The following LYRM4 variants were observed in gnomAD, a reference collection of about 807,000 sequenced individuals.
LYRM4 encodes LYR motif-containing protein 4.
A neutral mutation model predicts 11.7 loss-of-function variants in LYRM4; 9 were observed. The ratio of observed to expected loss-of-function variants is 0.77; its 90% CI spans 0.46 to 1.34. LYRM4 has a LOEUF of 1.34. Ranked by LOEUF, LYRM4 falls within the 40% of genes most tolerant of loss-of-function variation. The pLI is 0.00. For synonymous variants in LYRM4, 42 were observed against 40.4 expected (o/e 1.04, Z -0.15); for missense variants, 133 against 112.5 (o/e 1.18, Z -0.82).
At chr6:5,108,361 G>A, downstream of LYRM4, 1 of 863,782 alleles carries the variant, frequency 1.2e-6, no homozygotes, top group African/African-American at 1.8e-5. Flanking sequence ...CTCCCCAGAT[G>A]ACAAGCAAGT....
intron 2 of LYRM4, among the ~76,000 whole-genome samples, chr6:5,172,160 A>C (rs1442964931): frequency 6.6e-6 from 1 of 152,074 alleles, no homozygotes; most frequent in Non-Finnish European, 1.5e-5. Flanking sequence ...CATACTAACC[A>C]CCTGACGACA....
At chr6:5,161,311 T>C (rs1187598882) in intron 2 of LYRM4, among the ~76,000 whole-genome samples, 1 of 152,146 alleles carries the variant, frequency 6.6e-6, no homozygotes, top group Non-Finnish European at 1.5e-5. Context: ...AACAGAAAAA[T>C]ATAAGAAATG....
intron 1 of LYRM4, among the ~76,000 whole-genome samples, chr6:5,225,698 G>T (rs888503692): frequency 6.6e-6 from 1 of 152,128 alleles, no homozygotes; most frequent in Non-Finnish European, 1.5e-5. Context: ...TCACGTGCAT[G>T]TCTATTTGTG....
At chr6:5,227,768 T>C (rs921367140) in intron 1 of LYRM4, among the ~76,000 whole-genome samples, 1 of 152,084 alleles carries the variant, frequency 6.6e-6, no homozygotes, top group Non-Finnish European at 1.5e-5. Context: ...GATAAGAAAA[T>C]GTGGCACATT....
the LYRM4 span, among the ~76,000 whole-genome samples, chr6:5,038,396 T>C: frequency 1.7e-5 from 1 of 60,468 alleles, no homozygotes; most frequent in African/African-American, 4.6e-5. Context: ...CTCCTCACCT[T>C]CCAGACTGGG....
At chr6:5,246,030 T>A (rs1393364560) in intron 1 of LYRM4, among the ~76,000 whole-genome samples, 1 of 152,168 alleles carries the variant, frequency 6.6e-6, no homozygotes, top group East Asian at 1.9e-4. Flanking sequence ...TTCTTCTTCT[T>A]TCCTTTAAAA....
intron 1 of LYRM4, among the ~76,000 whole-genome samples, chr6:5,234,478 CAGG>C: frequency 1.3e-5 from 2 of 152,310 alleles, no homozygotes; most frequent in East Asian, 3.9e-4. Flanking sequence ...TATTTTATAA[CAGG>C]AGTATACACA....
At chr6:5,127,232 G>A (rs1232115417) in intron 2 of LYRM4, among the ~76,000 whole-genome samples, 2 of 152,092 alleles carry the variant, frequency 1.3e-5, no homozygotes, top group African/African-American at 4.8e-5. Flanking sequence ...TTACAGGCAT[G>A]TGCCACCGTG....
At chr6:5,244,393 CCTT>C (rs1161049763) in intron 1 of LYRM4, among the ~76,000 whole-genome samples, 1 of 152,082 alleles carries the variant, frequency 6.6e-6, no homozygotes, top group Admixed American at 6.5e-5. Context: ...GAGCATCTGT[CCTT>C]CTTAAAAATG....
In LYRM4 at chr6:5,185,222, C is replaced by T. The variant is rs73719732; in HGVS notation, c.207+31396G>A. Among the ~76,000 whole-genome samples the T allele has an allele frequency of 3.3e-3, 497 of 152,270 alleles. 6 individuals are homozygous for T. The highest frequency in any genetic ancestry group is 0.011 in the African/African-American group (470 of 41,566). ...TGTGTCCAATGAATGAATGGGTGAACGAATGAATGAAGATACTTGTCCTTC... is the reference window on the plus strand; with the variant it reads ...TGTGTCCAATGAATGAATGGGTGAATGAATGAATGAAGATACTTGTCCTTC... On this transcript the variant is annotated intron_variant, in intron 2 of 2. Transcript: ENST00000330636.
At chr6:5,217,072 C>G (rs545259274) in intron 1 of LYRM4, among the ~76,000 whole-genome samples, 1 of 152,276 alleles carries the variant, frequency 6.6e-6, no homozygotes, top group South Asian at 2.1e-4. Flanking sequence ...AGAGACAAAT[C>G]AAGAACTCAG....
In LYRM4 at chr6:5,196,532, A is replaced by G. The variant is rs1371507704; in HGVS notation, c.207+20086T>C. Among the ~76,000 whole-genome samples the G allele has an allele frequency of 2.0e-5, 3 of 152,230 alleles. No individual in the cohort carries two copies. In the East Asian group the frequency reaches 5.8e-4, roughly 29 times the overall value. On this transcript the variant is annotated intron_variant, in intron 2 of 2. Transcript: ENST00000330636. ...CTCACAGTTTCCTCTTCTGAAAAGC[A>G]GGTTGGTACAGTGCCTTCCTCCTAA...
the LYRM4 span, chr6:5,088,127 C>G: frequency 1.3e-5 from 2 of 152,148 alleles, no homozygotes; most frequent in Non-Finnish European, 2.9e-5. Flanking sequence ...CGGAGTTTCA[C>G]TCTTGTCGCC....
chr6:5,141,684 C>T (rs1405273726), intron 2 of LYRM4, among the ~76,000 whole-genome samples: 3 of 152,138 alleles, frequency 2.0e-5, no homozygotes, highest in South Asian at 2.1e-4. Context: ...TCAACACTCA[C>T]GGAGGTCAGA....
chr6:5,218,480 G>T, intron 1 of LYRM4: 2 of 611,842 alleles, frequency 3.3e-6, no homozygotes, highest in Non-Finnish European at 4.1e-6. Flanking sequence ...AAATTCAAAT[G>T]TCAGGTCTAT....
At chr6:5,235,028 G>A (rs1208607019) in intron 1 of LYRM4, among the ~76,000 whole-genome samples, 1 of 151,970 alleles carries the variant, frequency 6.6e-6, no homozygotes, top group African/African-American at 2.4e-5. Flanking sequence ...CTCACTGCAG[G>A]TCTCTCCTCC....
chr6:5,098,140 C>T, the LYRM4 span, among the ~76,000 whole-genome samples: 1 of 152,180 alleles, frequency 6.6e-6, no homozygotes, highest in Admixed American at 6.5e-5. Context: ...TTAATTTATA[C>T]GGACAACTCC....
At chr6:5,096,070 G>A in the LYRM4 span, among the ~76,000 whole-genome samples, 5 of 152,302 alleles carry the variant, frequency 3.3e-5, no homozygotes, top group South Asian at 4.1e-4. Context: ...CTATGATTAC[G>A]GAAGACATTT....
the LYRM4 span, among the ~76,000 whole-genome samples, chr6:5,095,840 C>T: frequency 2.6e-5 from 4 of 152,004 alleles, no homozygotes; most frequent in African/African-American, 7.3e-5. Flanking sequence ...ATTAGCCAGG[C>T]GTGGTGGCTC....
Sources: allele counts gnomAD v4.1 joint callset (sites outside exome capture counted in the v4.1 genomes callset), GRCh38; gene constraint gnomAD v4.1.1; transcripts MANE v1.5; gene names NCBI Gene and HGNC (gene_info 2026-07-23, HGNC 2026-07-21).